Variants in AP3B1 observed in about 807,000 individuals in gnomAD.
AP3B1 encodes AP-3 complex subunit beta-1.
A neutral mutation model predicts 132.5 loss-of-function variants in AP3B1; 61 were observed. The ratio of observed to expected loss-of-function variants is 0.46; its 90% CI spans 0.37 to 0.57. AP3B1 has a LOEUF of 0.57. Among genes scored for constraint, AP3B1 ranks in the 20% least tolerant of loss-of-function variants. AP3B1 has a pLI of 0.00. For missense variants in AP3B1, 1,120 were observed against 1,289.4 expected (o/e 0.87, Z 2.01); for synonymous variants, 388 against 438.3 (o/e 0.89, Z 1.43).
At chr5:78,061,802 A>C (rs1029321840) in intron 22 of AP3B1, among the ~76,000 whole-genome samples, 2 of 152,192 alleles carry the variant, frequency 1.3e-5, no homozygotes, top group African/African-American at 4.8e-5. Context: ...TTCATTTCCT[A>C]ACCTTGATTT....
intron 23 of AP3B1, among the ~76,000 whole-genome samples, chr5:78,038,816 G>T (rs958612040): frequency 6.6e-6 from 1 of 152,134 alleles, no homozygotes; most frequent in African/African-American, 2.4e-5. Flanking sequence ...ATCACTACTG[G>T]TATTACTATT....
At chr5:78,083,612 A>G (rs985746920) in intron 22 of AP3B1, among the ~76,000 whole-genome samples, 1 of 152,262 alleles carries the variant, frequency 6.6e-6, no homozygotes, top group Admixed American at 6.5e-5. Context: ...CAGATACTAC[A>G]GCAGGAAATA....
intron 26 of AP3B1, among the ~76,000 whole-genome samples, chr5:78,014,972 G>A (rs144104030): frequency 0.012 from 1,834 of 152,232 alleles, 38 homozygotes; most frequent in African/African-American, 0.042. Flanking sequence ...TTTACTGGAA[G>A]CAGTCTCAGG....
chr5:78,272,564 T>C (rs761756868), intron 1 of AP3B1, among the ~76,000 whole-genome samples: 8 of 152,168 alleles, frequency 5.3e-5, no homozygotes, highest in Non-Finnish European at 1.2e-4. Context: ...CTTGCCCTCA[T>C]AGGGATTTCA....
chr5:78,138,296 T>C (rs1022539326), intron 15 of AP3B1, among the ~76,000 whole-genome samples: 3 of 151,528 alleles, frequency 2.0e-5, no homozygotes, highest in African/African-American at 7.3e-5. Context: ...TGAAACCCCA[T>C]CTCTACTAAA....
At chr5:78,262,808 G>C (rs1748152524) in intron 2 of AP3B1, among the ~76,000 whole-genome samples, 1 of 151,444 alleles carries the variant, frequency 6.6e-6, no homozygotes, top group South Asian at 2.1e-4. Flanking sequence ...AAGCAGCTGG[G>C]ACCACAGGCA....
intron 3 of AP3B1, among the ~76,000 whole-genome samples, chr5:78,229,664 G>C (rs1746554402): frequency 6.6e-6 from 1 of 151,966 alleles, no homozygotes; most frequent in Non-Finnish European, 1.5e-5. Context: ...ACCTGAGCCT[G>C]GGAGGTCGAA....
intron 3 of AP3B1, among the ~76,000 whole-genome samples, chr5:78,231,436 A>C (rs914764967): frequency 1.3e-5 from 2 of 152,076 alleles, no homozygotes; most frequent in African/African-American, 2.4e-5. Context: ...GGCCTCCCAA[A>C]GTGCTGGGAT....
intron 2 of AP3B1, among the ~76,000 whole-genome samples, chr5:78,253,802 T>TA (rs769468726): frequency 5.3e-4 from 80 of 151,566 alleles, no homozygotes; most frequent in Non-Finnish European, 1.5e-4. Context: ...CCATCTCTAC[T>TA]AAAAAATATA....
intron 14 of AP3B1, among the ~76,000 whole-genome samples, chr5:78,153,202 A>G (rs1247523302): frequency 6.6e-6 from 1 of 152,142 alleles, no homozygotes; most frequent in Non-Finnish European, 1.5e-5. Flanking sequence ...CATTTGCTTT[A>G]TATATCTGGG....
At chr5:78,156,182 T>G (rs1743140569) in intron 14 of AP3B1, 76 bp downstream of exon 14, 7 of 1,052,166 alleles carry the variant, frequency 6.7e-6, no homozygotes, top group African/African-American at 1.6e-5. Context: ...CATTACCCTT[T>G]AGGCTGACCA....
intron 26 of AP3B1, among the ~76,000 whole-genome samples, chr5:78,005,311 C>T (rs12654154): frequency 0.031 from 4,698 of 152,274 alleles, 190 homozygotes; most frequent in East Asian, 0.18. Context: ...AACACAAAAG[C>T]ACTGTTGTTT....
chr5:78,144,577 T>G (rs952638416), intron 14 of AP3B1, among the ~76,000 whole-genome samples: 2 of 151,944 alleles, frequency 1.3e-5, no homozygotes, highest in Non-Finnish European at 2.9e-5. Flanking sequence ...GATCTAATAC[T>G]CTGTATCTGG....
At position 78,002,623 on chromosome 5, in the gene AP3B1, CA is replaced by C; in HGVS notation, c.*278del. 1 of 576,874 alleles carries C rather than the reference CA, an allele frequency of 1.7e-6. No homozygotes were observed. The highest frequency in any genetic ancestry group is 3.2e-5 in the Admixed American group (1 of 31,596). 35.7% of individuals were successfully genotyped at this position (576,874 alleles called of 1,614,324 possible). On this transcript the variant is annotated 3_prime_UTR_variant, in exon 27 of 27. Transcript: ENST00000255194. ...AAAAAGAGAAGGAAAACGAGGAGGC[CA>C]AAAGAAGCAGCAGGACAGAGAAAAC...
At chr5:78,159,005 G>C (rs1158143642) in intron 13 of AP3B1, among the ~76,000 whole-genome samples, 1 of 152,128 alleles carries the variant, frequency 6.6e-6, no homozygotes, top group Non-Finnish European at 1.5e-5. Context: ...CCATAGGCAA[G>C]TATTACTTCT....
In AP3B1 at chr5:78,039,285, C is replaced by G. The variant is rs749958172; in HGVS notation, c.2578-11G>C. On this transcript the variant is annotated splice_polypyrimidine_tract_variant and intron_variant, in intron 22 of 26. Coordinates refer to ENST00000255194, the MANE Select transcript of AP3B1 (RefSeq NM_003664.5). ...TGCAGGAGTACTGACCTATTACACA[C>G]GGCAAAAAGAAAAAAAGATGAGTTA... 3.1e-6 allele frequency: 5 copies of G among 1,597,242 alleles called. No individual in the cohort carries two copies. The highest frequency in any genetic ancestry group is 2.2e-5 in the South Asian group (2 of 90,616).
chr5:78,163,032 T>C, intron 12 of AP3B1, 81 bp from the exon 13 acceptor site: 1 of 1,335,384 alleles, frequency 7.5e-7, no homozygotes, highest in South Asian at 1.2e-5. Context: ...ACTTTGTCAA[T>C]ATATAAGAAT....
intron 23 of AP3B1, among the ~76,000 whole-genome samples, chr5:78,037,940 T>C (rs962404443): frequency 6.6e-6 from 1 of 152,194 alleles, no homozygotes; most frequent in African/African-American, 2.4e-5. Context: ...AATTTCAAAG[T>C]AAGACACACA....
intron 1 of AP3B1, among the ~76,000 whole-genome samples, chr5:78,278,625 A>AAAAAGG (rs1561217252): frequency 5.7e-5 from 3 of 52,248 alleles, no homozygotes; most frequent in African/African-American, 1.8e-4. Flanking sequence ...AAAAAAAAAA[A>AAAAAGG]GGGGGGGGGG....
Sources: gnomAD v4.1 joint callset for allele counts (sites outside exome capture counted in the v4.1 genomes callset) on GRCh38, gnomAD v4.1.1 for gene constraint, MANE v1.5 for transcripts, NCBI Gene and HGNC (gene_info 2026-07-23, HGNC 2026-07-21) for gene names.